The following ALDH9A1 variants were observed in gnomAD, a reference collection of about 807,000 sequenced individuals.
ALDH9A1 encodes the protein 4-trimethylaminobutyraldehyde dehydrogenase.
Under a neutral mutation model 56.6 loss-of-function variants are expected in ALDH9A1, and 42 were observed. The ratio of observed to expected loss-of-function variants is 0.74; its 90% CI spans 0.58 to 0.96. The LOEUF (loss-of-function observed/expected upper bound fraction) is 0.96, where lower values mean the gene tolerates loss of function less well. Among genes scored for constraint, ALDH9A1 ranks in the 40% least tolerant of loss-of-function variants. The pLI is 0.00. For missense variants in ALDH9A1, 661 were observed against 651.5 expected, an observed-to-expected ratio of 1.01 and a Z score of -0.16; for synonymous variants, 242 against 236.0, an observed-to-expected ratio of 1.03 and a Z score of -0.23.
chr1:165,697,141 T>C (rs1650114957), intron 1 of ALDH9A1, among the ~76,000 whole-genome samples: 1 of 152,230 alleles, frequency 6.6e-6, no homozygotes. Flanking sequence ...CCTTCTTCCT[T>C]ATCTCTGTGA....
At chr1:165,673,137 G>A (rs1194183535) in intron 6 of ALDH9A1, among the ~76,000 whole-genome samples, 1 of 150,592 alleles carries the variant, frequency 6.6e-6, no homozygotes, top group Admixed American at 6.6e-5. Context: ...TTACGAATGG[G>A]CAAAAGACCT....
rs561337631 is a variant in ALDH9A1 at position 165,691,983 on chromosome 1, A to G, written c.327+3269T>C. On this transcript the variant is annotated intron_variant, in intron 2 of 10. Coordinates refer to ENST00000354775, the MANE Select transcript of ALDH9A1 (RefSeq NM_000696.4). The stretch of plus-strand genomic sequence containing the variant: ...AAAGACAAAAACCACGACTATCTCA[A>G]CAGACGCAGAAAAGGCCTTCGACAA... Among the ~76,000 whole-genome samples the G allele has an allele frequency of 7.9e-5, 12 of 152,344 alleles. No homozygotes were observed. In the East Asian group the frequency reaches 2.3e-3, roughly 29 times the overall value.
In ALDH9A1 at chr1:165,667,347, A is replaced by G. The variant is rs1297974668; in HGVS notation, c.1311T>C (p.Asn437=). The G allele has an allele frequency of 6.2e-7, 1 of 1,614,030 alleles. No homozygotes were observed. The highest frequency in any genetic ancestry group is 1.3e-5 in the African/African-American group (1 of 74,932). The stretch of plus-strand genomic sequence containing the variant: ...CAGCTGCTAGTCCAAAAGTGGTATC[A>G]TTGGCTCTTTCTAGAACCTCAGCTT... ...DTEAEVLERA[N]DTTFGLAAGV... The change falls in exon 9 of 11, where the codon AAT becomes AAC. Residue 437 remains asparagine (N), a synonymous_variant. Coordinates refer to ENST00000354775, the MANE Select transcript of ALDH9A1 (RefSeq NM_000696.4).
chr1:165,675,267 A>G (rs12742657), intron 6 of ALDH9A1, among the ~76,000 whole-genome samples: 1 of 144,522 alleles, frequency 6.9e-6, no homozygotes, highest in Admixed American at 7.1e-5. Context: ...CTCTCTCTAT[A>G]TATATATAAA....
At position 165,673,317 on chromosome 1, in the gene ALDH9A1, T is replaced by C. The variant is rs1325064306; in HGVS notation, c.931-3867A>G. Among the ~76,000 whole-genome samples, 3 of 152,184 alleles carry C rather than the reference T, an allele frequency of 2.0e-5. 1 individual carries two copies. The East Asian group carries it at 5.8e-4, about 29-fold the overall frequency. ...AAAAGATAACAAGTGTTGGTGAGGA[T>C]GCGGAGAAAAGGAAATCTTGGTATA... On this transcript the variant is annotated intron_variant, in intron 6 of 10. Coordinates refer to ENST00000354775, the MANE Select transcript of ALDH9A1 (RefSeq NM_000696.4).
chr1:165,698,329 G>A, intron 1 of ALDH9A1, 49 bp downstream of exon 1: 10 of 1,548,452 alleles, frequency 6.5e-6, no homozygotes, highest in Non-Finnish European at 8.7e-6. Flanking sequence ...CGGGAAATCC[G>A]CGCATCCGGC....
In ALDH9A1 at chr1:165,682,377, T is replaced by G; in HGVS notation, c.458-136A>C. On this transcript the variant is annotated intron_variant, in intron 3 of 10. Coordinates refer to ENST00000354775, the MANE Select transcript of ALDH9A1 (RefSeq NM_000696.4). ...CCCAATACACCAGGCTCACCCTGTC[T>G]CCATTCTTCTATTTGTTCCAGGCAG... 3 of 925,662 alleles carry G rather than the reference T, an allele frequency of 3.2e-6. No individual in the cohort carries two copies. In the South Asian group the frequency reaches 5.3e-5, roughly 16 times the overall value. 57.3% of individuals were successfully genotyped at this position (925,662 alleles called of 1,614,324 possible). A position where few individuals can be genotyped will look rare whatever the true frequency, so the allele number is the denominator to read the frequency against.
intron 3 of ALDH9A1, 33 bp from the exon 4 acceptor site, chr1:165,682,274 G>T: frequency 6.2e-7 from 1 of 1,606,576 alleles, no homozygotes; most frequent in Non-Finnish European, 8.5e-7. Context: ...GGAGGATGCA[G>T]GTCTGTGCTC....
At chr1:165,684,995 CA>C (rs4646890) in intron 2 of ALDH9A1, among the ~76,000 whole-genome samples, 54,386 of 151,204 alleles carry the variant, frequency 0.36, 9,900 homozygotes, top group East Asian at 0.58. Flanking sequence ...TCCATCCTTA[CA>C]AAAAAAAAGT....
intron 2 of ALDH9A1, among the ~76,000 whole-genome samples, chr1:165,685,487 G>C (rs540718022): frequency 1.9e-4 from 29 of 152,128 alleles, no homozygotes; most frequent in Non-Finnish European, 2.8e-4. Flanking sequence ...TGTCCAGAAG[G>C]AAAAAATGGA....
At position 165,682,144 on chromosome 1, in the gene ALDH9A1, C is replaced by G. The variant is rs934953351; in HGVS notation, c.555G>C (p.Gln185His). ...CTGGAGCCGACTTCCAAGAGGCAAT[C>G]TGAAAGGGGTAGTTCCATGCTCCTA... ...VGIGAWNYPF[Q>H]IASWKSAPAL... The change falls in exon 4 of 11, where the codon CAG becomes CAC. Residue 185 changes from glutamine to histidine, a missense_variant. By Grantham distance (24) the Gln-to-His change is conservative (BLOSUM62 0). Transcript: ENST00000354775. 6.2e-7 allele frequency: 1 copy of G among 1,614,014 alleles called. No homozygotes were observed. The highest frequency in any genetic ancestry group is 1.3e-5 in the African/African-American group (1 of 74,920).
chr1:165,671,989 T>C (rs550667148), intron 6 of ALDH9A1, among the ~76,000 whole-genome samples: 12 of 152,286 alleles, frequency 7.9e-5, no homozygotes, highest in Admixed American at 2.0e-4. Context: ...TGTAGAGAAA[T>C]TGGAAACTTT....
chr1:165,685,590 C>T (rs773101952), intron 2 of ALDH9A1, among the ~76,000 whole-genome samples: 1 of 152,070 alleles, frequency 6.6e-6, no homozygotes, highest in Non-Finnish European at 1.5e-5. Context: ...CCAAACTCAG[C>T]GTCATGGCAT....
intron 1 of ALDH9A1, 126 bp downstream of exon 1, chr1:165,698,252 T>C (rs1650159365): frequency 1.4e-6 from 2 of 1,443,254 alleles, no homozygotes; most frequent in African/African-American, 1.5e-5. Context: ...CACACAACCT[T>C]AGACTCTCCA....
chr1:165,680,958 T>C lies in ALDH9A1; in HGVS notation c.593-275A>G, dbSNP rs185962071. 3.6e-3 allele frequency among the ~76,000 whole-genome samples: 550 copies of C among 152,298 alleles called. 2 individuals carry two copies. Among genetic ancestry groups the C allele is most frequent in the African/African-American group, 0.013 (533 of 41,576 alleles). On this transcript the variant is annotated intron_variant, in intron 4 of 10. Coordinates refer to ENST00000354775, the MANE Select transcript of ALDH9A1 (RefSeq NM_000696.4). ...CATGGCGGGAGGTGAAAGTCACTTC[T>C]TACATTGGCGGCAGGAGAAAAATGA... is the stretch of plus-strand genomic sequence containing the variant.
At chr1:165,695,934 T>A (rs1650068794) in intron 1 of ALDH9A1, among the ~76,000 whole-genome samples, 1 of 151,304 alleles carries the variant, frequency 6.6e-6, no homozygotes, top group South Asian at 2.1e-4. Context: ...TCACTGCAAC[T>A]TTTGCCTCCT....
At position 165,679,552 on chromosome 1, in the gene ALDH9A1, G is replaced by A. The variant is rs1276494481; in HGVS notation, c.820C>T (p.Pro274Ser). Residue 274 changes from proline to serine, a missense_variant, in exon 6 of 11, where the codon CCT becomes TCT. Pro to Ser is a moderately conservative substitution (Grantham distance 74). Transcript: ENST00000354775. ...IMEMSAKGIK[P>S]VTLELGGKSP... ...TTGCCTCCAAGTTCCAAGGTAACAG[G>A]TTTGATTCCTTTAGCTGACATCTCC... The A allele has an allele frequency of 1.2e-6, 2 of 1,614,104 alleles. No individual in the cohort carries two copies. Among genetic ancestry groups the A allele is most frequent in the Non-Finnish European group, 8.5e-7 (1 of 1,180,006 alleles).
Position 165,669,497 on chromosome 1 carries a change from A to G in ALDH9A1, c.931-47T>C. 2.7e-6 allele frequency: 4 copies of G among 1,472,186 alleles called. No individual in the cohort carries two copies. The South Asian group carries it at 5.5e-5, about 20-fold the overall frequency. 91.2% of individuals were successfully genotyped at this position (1,472,186 alleles called of 1,614,324 possible). Reference sequence around the variant, plus strand: ...TCAATTTCTATGTGTGTAAGGAGAAAAAAGGGAAAAGGAAAAATGAACACA... The same window carrying G: ...TCAATTTCTATGTGTGTAAGGAGAAGAAAGGGAAAAGGAAAAATGAACACA... On this transcript the variant is annotated intron_variant, in intron 6 of 10. Transcript: ENST00000354775.
In ALDH9A1 at chr1:165,680,534, C is replaced by A. The variant is rs147829872; in HGVS notation, c.742G>T (p.Asp248Tyr). 2 of 1,614,026 alleles carry A rather than the reference C, an allele frequency of 1.2e-6. No individual in the cohort carries two copies. Among genetic ancestry groups the A allele is most frequent in the Non-Finnish European group, 1.7e-6 (2 of 1,180,018 alleles). ...CCAGTGAAGGAGACTTTGGCCACAT[C>A]GGGATGCTGACACAGAAACTGGCCT... ...ATGQFLCQHP[D>Y]VAKVSFTGSV... Residue 248 changes from aspartate to tyrosine, a missense_variant, in exon 5 of 11, where the codon GAT becomes TAT. Asp to Tyr is a radical substitution (Grantham distance 160). Coordinates refer to ENST00000354775, the MANE Select transcript of ALDH9A1 (RefSeq NM_000696.4).
Sources: gnomAD v4.1 joint callset for allele counts (sites outside exome capture counted in the v4.1 genomes callset) on GRCh38, gnomAD v4.1.1 for gene constraint, MANE v1.5 for transcripts, NCBI Gene and HGNC (gene_info 2026-07-23, HGNC 2026-07-21) for gene names.